The following NKAIN2 variants were observed in gnomAD, a reference collection of about 807,000 sequenced individuals.
NKAIN2 encodes the protein sodium/potassium transporting ATPase interacting 2.
NKAIN2 carries 14 observed loss-of-function variants against 32.6 expected under a neutral mutation model. The ratio of observed to expected loss-of-function variants is 0.43; its 90% confidence interval spans 0.28 to 0.67. NKAIN2 has a LOEUF of 0.67. Among genes scored for constraint, NKAIN2 ranks in the 30% least tolerant of loss-of-function variants. NKAIN2 has a pLI of 0.17. For synonymous variants in NKAIN2, 80 were observed against 87.2 expected (o/e 0.92, Z 0.46); for missense variants, 198 against 258.3 (o/e 0.77, Z 1.60).
intron 4 of NKAIN2, among the ~76,000 whole-genome samples, chr6:124,687,741 TATACACACACAC>T (rs1170791579): frequency 0.014 from 434 of 30,010 alleles, 7 homozygotes; most frequent in African/African-American, 0.03. Flanking sequence ...ATATATGATA[TATACACACACAC>T]ACACACACAC....
chr6:124,291,697 A>G (rs1474252397), intron 2 of NKAIN2, among the ~76,000 whole-genome samples: 1 of 152,110 alleles, frequency 6.6e-6, no homozygotes, highest in Non-Finnish European at 1.5e-5. Flanking sequence ...TGCTCTGAGA[A>G]GCTTTATCTG....
At chr6:124,599,019 A>ATTT (rs34952742) in intron 3 of NKAIN2, among the ~76,000 whole-genome samples, 8,891 of 141,846 alleles carry the variant, frequency 0.063, 291 homozygotes, top group Middle Eastern at 0.085. Flanking sequence ...ACACAAATCT[A>ATTT]TTTTTTTTTT....
At chr6:124,342,418 A>G (rs999698416) in intron 2 of NKAIN2, among the ~76,000 whole-genome samples, 1 of 151,402 alleles carries the variant, frequency 6.6e-6, no homozygotes, top group Admixed American at 6.6e-5. Context: ...CAAAAAAAAA[A>G]AAAACAAAAC....
At chr6:124,199,792 A>G (rs802278) in intron 1 of NKAIN2, among the ~76,000 whole-genome samples, 122,227 of 152,018 alleles carry the variant, frequency 0.8, 49,319 homozygotes, top group South Asian at 0.85. Flanking sequence ...AAAGCAAAGG[A>G]TTATTTTGAC....
At chr6:123,992,951 C>A (rs1779473967) in intron 1 of NKAIN2, among the ~76,000 whole-genome samples, 1 of 152,166 alleles carries the variant, frequency 6.6e-6, no homozygotes, top group Non-Finnish European at 1.5e-5. Context: ...TAGTTTGAAG[C>A]CCAGGTCTAC....
chr6:124,128,427 G>A (rs374043823), intron 1 of NKAIN2, among the ~76,000 whole-genome samples: 4 of 152,106 alleles, frequency 2.6e-5, no homozygotes, highest in African/African-American at 7.2e-5. Flanking sequence ...AAATTTGATA[G>A]GGCAACTATA....
intron 1 of NKAIN2, among the ~76,000 whole-genome samples, chr6:124,015,560 C>T (rs1780528610): frequency 1.3e-5 from 2 of 152,150 alleles, no homozygotes; most frequent in Admixed American, 1.3e-4. Context: ...TAAAGAACCA[C>T]ATTTTAAATA....
intron 3 of NKAIN2, among the ~76,000 whole-genome samples, chr6:124,563,663 A>G (rs1257918323): frequency 6.6e-6 from 1 of 152,058 alleles, no homozygotes; most frequent in Non-Finnish European, 1.5e-5. Flanking sequence ...GGAGTATTTG[A>G]TTGTTTGTTT....
intron 1 of NKAIN2, among the ~76,000 whole-genome samples, chr6:124,005,508 A>C (rs1451672158): frequency 6.6e-6 from 1 of 152,144 alleles, no homozygotes; most frequent in South Asian, 2.1e-4. Context: ...ATTGTAGTAC[A>C]TCCCCTAGGT....
chr6:124,306,105 C>A (rs899441600), intron 2 of NKAIN2, among the ~76,000 whole-genome samples: 6 of 152,134 alleles, frequency 3.9e-5, no homozygotes, highest in African/African-American at 1.4e-4. Flanking sequence ...TGAGGAAAAG[C>A]ATTTTGAAAT....
chr6:124,317,032 G>C (rs558978260), intron 2 of NKAIN2, among the ~76,000 whole-genome samples: 54 of 152,224 alleles, frequency 3.5e-4, no homozygotes, highest in African/African-American at 1.3e-3. Flanking sequence ...AGGCACGGTT[G>C]CATGTGCTTA....
intron 1 of NKAIN2, among the ~76,000 whole-genome samples, chr6:123,927,396 A>G (rs1299747484): frequency 6.6e-6 from 1 of 152,198 alleles, no homozygotes; most frequent in East Asian, 1.9e-4. Context: ...ATGTTAGTCA[A>G]TGAAACCTTC....
intron 4 of NKAIN2, among the ~76,000 whole-genome samples, chr6:124,763,522 AG>A (rs571222141): frequency 6.6e-6 from 1 of 152,188 alleles, no homozygotes; most frequent in Non-Finnish European, 1.5e-5. Flanking sequence ...AATAGCACGA[AG>A]GGGGCAATCT....
intron 3 of NKAIN2, among the ~76,000 whole-genome samples, chr6:124,450,497 CATA>C (rs1776060422): frequency 6.6e-6 from 1 of 151,720 alleles, no homozygotes; most frequent in Admixed American, 6.6e-5. Context: ...TCAACACTGC[CATA>C]ATAATACTGT....
At chr6:124,389,846 A>G (rs1048148425) in intron 3 of NKAIN2, among the ~76,000 whole-genome samples, 9 of 151,980 alleles carry the variant, frequency 5.9e-5, no homozygotes, top group African/African-American at 2.2e-4. Flanking sequence ...TTGCTGAACA[A>G]TGCACCCATT....
chr6:123,920,072 T>A (rs545464605), intron 1 of NKAIN2, among the ~76,000 whole-genome samples: 99 of 152,230 alleles, frequency 6.5e-4, no homozygotes, highest in Middle Eastern at 6.8e-3. Flanking sequence ...TATTGATTTT[T>A]TTTCATGACT....
At chr6:124,352,800 T>C (rs938178338) in intron 2 of NKAIN2, among the ~76,000 whole-genome samples, 2 of 152,196 alleles carry the variant, frequency 1.3e-5, no homozygotes, top group African/African-American at 2.4e-5. Flanking sequence ...GTTCTATAAC[T>C]GAAGTTCCTC....
intron 1 of NKAIN2, among the ~76,000 whole-genome samples, chr6:124,265,891 G>A (rs554548715): frequency 7.2e-5 from 11 of 152,258 alleles, no homozygotes; most frequent in Admixed American, 1.3e-4. Context: ...GACTGACATT[G>A]TTTCCTTCAA....
rs2080334852 is a variant in NKAIN2 at position 124,028,919 on chromosome 6, ATATGTG to A, written c.54+224669_54+224674del. The stretch of plus-strand genomic sequence containing the variant: ...TATATATATACACATATATGTATAT[ATATGTG>A]TATATATATATATATAGTTTTCAAG... On this transcript the variant is annotated intron_variant, in intron 1 of 6. Coordinates refer to ENST00000368417, the MANE Select transcript of NKAIN2 (RefSeq NM_001040214.3). Among the ~76,000 whole-genome samples the A allele has an allele frequency of 6.3e-4, 13 of 20,476 alleles. 1 individual carries two copies. The highest frequency in any genetic ancestry group is 1.0e-3 in the Non-Finnish European group (13 of 12,814). 13.4% of individuals were successfully genotyped at this position (20,476 alleles called of 152,430 possible). A position where few individuals can be genotyped will look rare whatever the true frequency, so the allele number is the denominator to read the frequency against.
Sources: allele counts gnomAD v4.1 joint callset (sites outside exome capture counted in the v4.1 genomes callset), GRCh38; gene constraint gnomAD v4.1.1; transcripts MANE v1.5; gene names NCBI Gene and HGNC (gene_info 2026-07-23, HGNC 2026-07-21).